SMARCC1: variants seen among roughly 807,000 people sequenced by gnomAD.
The protein encoded by SMARCC1 is SWI/SNF related BAF chromatin remodeling complex subunit C1, also known as SWI/SNF complex subunit SMARCC1.
SMARCC1 carries 43 observed loss-of-function variants against 147.4 expected under a neutral mutation model. That is an observed-to-expected ratio of 0.29 (90% CI 0.23 to 0.38). The LOEUF is 0.38. Ranked by LOEUF, SMARCC1 falls within the 10% of genes least tolerant of loss-of-function variation. SMARCC1 has a pLI of 1.00. For missense variants in SMARCC1, 1,119 were observed against 1,381.1 expected, an observed-to-expected ratio of 0.81 and a Z score of 3.01; for synonymous variants, 495 against 484.4, an observed-to-expected ratio of 1.02 and a Z score of -0.29.
intron 19 of SMARCC1, 97 bp from the exon 20 acceptor site, chr3:47,662,689 G>T: frequency 1.0e-6 from 1 of 964,848 alleles, no homozygotes; most frequent in Non-Finnish European, 1.6e-6. Flanking sequence ...AAAAATTAAT[G>T]CAAATATTTA....
rs756623059 is a variant in SMARCC1 at position 47,680,522 on chromosome 3, G to GA, written c.1386-15dup. 8.8e-6 allele frequency: 6 copies of GA among 678,298 alleles called. No homozygotes were observed. The highest frequency in any genetic ancestry group is 1.4e-5 in the Non-Finnish European group (6 of 439,082). The allele number at this position is 678,298 out of a possible 1,614,324, so 42.0% of individuals were successfully genotyped here. ...ATCACATGAATACTGAAAAGAAGAAGAAAAAAAGATTTAGGAGTGTTCTTT... is the reference window on the plus strand; with the variant it reads ...ATCACATGAATACTGAAAAGAAGAAGAAAAAAAAGATTTAGGAGTGTTCTTT... On this transcript the variant is annotated splice_polypyrimidine_tract_variant and intron_variant, in intron 14 of 27. Coordinates refer to ENST00000254480, the MANE Select transcript of SMARCC1 (RefSeq NM_003074.4).
intron 1 of SMARCC1, among the ~76,000 whole-genome samples, chr3:47,778,486 T>C (rs2035004905): frequency 6.6e-6 from 1 of 151,898 alleles, no homozygotes; most frequent in Non-Finnish European, 1.5e-5. Context: ...TGTATTTTTT[T>C]GTTTTGTTTT....
chr3:47,611,313 A>G (rs1241968684), intron 25 of SMARCC1, among the ~76,000 whole-genome samples: 1 of 152,234 alleles, frequency 6.6e-6, no homozygotes, highest in Non-Finnish European at 1.5e-5. Context: ...TGTCCAATAC[A>G]GCAGTTAGAA....
intron 11 of SMARCC1, among the ~76,000 whole-genome samples, chr3:47,696,384 CAAAACAAA>C (rs2033852889): frequency 1.3e-5 from 2 of 151,240 alleles, no homozygotes; most frequent in South Asian, 4.2e-4. Flanking sequence ...AGAAACAAAA[CAAAACAAA>C]AAAACAAAAC....
chr3:47,601,565 T>G (rs1023166000), intron 26 of SMARCC1: 7 of 152,064 alleles, frequency 4.6e-5, no homozygotes, highest in African/African-American at 1.7e-4. Flanking sequence ...GGGCCCTCAC[T>G]GTTCTCTTTG....
chr3:47,679,071 T>C (rs1320874688), intron 15 of SMARCC1, among the ~76,000 whole-genome samples: 2 of 152,040 alleles, frequency 1.3e-5, no homozygotes, highest in African/African-American at 4.8e-5. Context: ...AGGACTTCTG[T>C]CACAAAATAT....
chr3:47,671,655 C>T (rs1576406175), intron 18 of SMARCC1, among the ~76,000 whole-genome samples: 1 of 152,292 alleles, frequency 6.6e-6, no homozygotes, highest in South Asian at 2.1e-4. Flanking sequence ...TTAATTCATA[C>T]TTCTTTATCT....
intron 26 of SMARCC1, among the ~76,000 whole-genome samples, chr3:47,606,858 G>A (rs1050495499): frequency 2.0e-5 from 3 of 149,478 alleles, no homozygotes; most frequent in African/African-American, 7.4e-5. Flanking sequence ...CAGGTATGCA[G>A]TACCACCACA....
In SMARCC1 at chr3:47,771,874, G is replaced by A. The variant is rs184118952; in HGVS notation, c.315+943C>T. ...AGGTGGGTGGATCACTTGAGGCTGC[G>A]AGTTCAAGACCAGCCTGGCCAACAT... is the stretch of plus-strand genomic sequence containing the variant. On this transcript the variant is annotated intron_variant, in intron 2 of 27. Coordinates refer to ENST00000254480, the MANE Select transcript of SMARCC1 (RefSeq NM_003074.4). Among the ~76,000 whole-genome samples, 712 of 152,074 alleles carry A rather than the reference G, an allele frequency of 4.7e-3. 8 individuals carry two copies. Among genetic ancestry groups the A allele is most frequent in the Non-Finnish European group, 3.8e-3 (261 of 67,990 alleles).
At chr3:47,633,779 TACACACACACACAC>T (rs149363143) in intron 24 of SMARCC1, among the ~76,000 whole-genome samples, 2 of 28,878 alleles carry the variant, frequency 6.9e-5, no homozygotes, top group East Asian at 3.1e-3. Flanking sequence ...TATATATATA[TACACACACACACAC>T]ACACACACAC....
In SMARCC1 at chr3:47,663,620, G is replaced by A. The variant is rs564549065; in HGVS notation, c.1900-1028C>T. 1.1e-4 allele frequency: 172 copies of A among 1,504,644 alleles called. No homozygotes were observed. In the African/African-American group the frequency reaches 1.2e-3, roughly 11 times the overall value. The allele number at this position is 1,504,644 out of a possible 1,614,324, so 93.2% of individuals were successfully genotyped here. A position where few individuals can be genotyped will look rare whatever the true frequency, so the allele number is the denominator to read the frequency against. On this transcript the variant is annotated intron_variant, in intron 19 of 27. Transcript: ENST00000254480. The stretch of plus-strand genomic sequence containing the variant: ...CCTGCTGCTGTGGCCCAGACATGGC[G>A]ACTCCGGCCCTGTGATTCCAGAGGT...
chr3:47,766,861 A>G (rs928170294), intron 2 of SMARCC1, among the ~76,000 whole-genome samples: 7 of 152,104 alleles, frequency 4.6e-5, no homozygotes, highest in African/African-American at 1.7e-4. Context: ...GCTGTCCGAC[A>G]TCCAGCATGA....
intron 2 of SMARCC1, among the ~76,000 whole-genome samples, chr3:47,772,325 C>A (rs1285465040): frequency 6.6e-6 from 1 of 151,662 alleles, no homozygotes; most frequent in African/African-American, 2.4e-5. Flanking sequence ...GCCGGGAGAT[C>A]AAGGCTGCAG....
chr3:47,625,735 A>T (rs1246231209), intron 24 of SMARCC1, among the ~76,000 whole-genome samples: 2 of 152,238 alleles, frequency 1.3e-5, no homozygotes, highest in East Asian at 3.8e-4. Flanking sequence ...CTTAGAAGAA[A>T]AAACAAAGTA....
chr3:47,774,149 A>G (rs1479669023), intron 1 of SMARCC1, among the ~76,000 whole-genome samples: 1 of 152,072 alleles, frequency 6.6e-6, no homozygotes, highest in Non-Finnish European at 1.5e-5. Context: ...TGCAAAGTCT[A>G]CAATTATTAT....
chr3:47,773,455 G>C (rs2034939524), intron 1 of SMARCC1, among the ~76,000 whole-genome samples: 2 of 149,498 alleles, frequency 1.3e-5, no homozygotes, highest in South Asian at 4.2e-4. Flanking sequence ...CCATATTAAT[G>C]TAAAGAATGT....
At chr3:47,733,232 GAC>G (rs1368775534) in intron 5 of SMARCC1, among the ~76,000 whole-genome samples, 4 of 152,220 alleles carry the variant, frequency 2.6e-5, no homozygotes, top group East Asian at 1.9e-4. Flanking sequence ...AGACTTGCTT[GAC>G]ACAGTTTCCA....
chr3:47,645,518 C>T (rs971423977), intron 21 of SMARCC1, among the ~76,000 whole-genome samples: 6 of 152,192 alleles, frequency 3.9e-5, no homozygotes, highest in Non-Finnish European at 7.3e-5. Flanking sequence ...GCCGTCCACA[C>T]TGGGTGACAG....
Position 47,677,127 on chromosome 3 carries a change from C to T in SMARCC1, c.1572-345G>A, listed in dbSNP as rs551656294. On this transcript the variant is annotated intron_variant, in intron 16 of 27. Transcript: ENST00000254480. ...ATCCGCATTTTTCGTGACAGAGTCT[C>T]GCTCTGTCTCTAAGGCTGGAGTGCA... is the stretch of plus-strand genomic sequence containing the variant. Among the ~76,000 whole-genome samples, 11 of 152,242 alleles carry T rather than the reference C, an allele frequency of 7.2e-5. No homozygotes were observed. The South Asian group carries it at 1.9e-3, about 26-fold the overall frequency.
Sources: allele counts gnomAD v4.1 joint callset (sites outside exome capture counted in the v4.1 genomes callset), GRCh38; gene constraint gnomAD v4.1.1; transcripts MANE v1.5; gene names NCBI Gene and HGNC (gene_info 2026-07-23, HGNC 2026-07-21).